PCDH9: variants seen among roughly 807,000 people sequenced by gnomAD.
PCDH9 encodes protocadherin 9.
In PCDH9, 24 loss-of-function variants were observed where a neutral mutation model predicts 70.6. The observed-to-expected ratio is 0.34, with a 90% CI of 0.25 to 0.48. The LOEUF (loss-of-function observed/expected upper bound fraction) is 0.48, where lower values mean the gene tolerates loss of function less well. PCDH9 is among the 20% of genes least tolerant of loss of function. PCDH9 has a pLI of 0.99. For missense variants in PCDH9, 1,281 were observed against 1,503.6 expected (o/e 0.85, Z 2.45); for synonymous variants, 562 against 558.5 (o/e 1.01, Z -0.09).
intron 4 of PCDH9, among the ~76,000 whole-genome samples, chr13:66,560,546 T>A (rs1470733568): frequency 6.6e-6 from 1 of 152,236 alleles, no homozygotes; most frequent in Non-Finnish European, 1.5e-5. Context: ...TGGAAGGCAC[T>A]TTTTATCTGT....
At chr13:67,011,277 T>A (rs929152090) in intron 2 of PCDH9, among the ~76,000 whole-genome samples, 2 of 151,954 alleles carry the variant, frequency 1.3e-5, no homozygotes, top group Non-Finnish European at 2.9e-5. Context: ...GTCTATATCC[T>A]GCATTTATAG....
chr13:66,652,285 C>A (rs768549752), intron 3 of PCDH9, among the ~76,000 whole-genome samples: 2 of 152,018 alleles, frequency 1.3e-5, no homozygotes, highest in Non-Finnish European at 2.9e-5. Context: ...AGTAAAGCTG[C>A]AGGATACAAA....
At chr13:66,906,368 C>A (rs758907879) in intron 2 of PCDH9, among the ~76,000 whole-genome samples, 20 of 152,160 alleles carry the variant, frequency 1.3e-4, no homozygotes, top group Non-Finnish European at 2.9e-4. Context: ...TCAGAACAGA[C>A]AGAAACTATC....
intron 4 of PCDH9, among the ~76,000 whole-genome samples, chr13:66,539,294 GT>G (rs1164014444): frequency 6.6e-6 from 1 of 151,994 alleles, no homozygotes; most frequent in African/African-American, 2.4e-5. Flanking sequence ...TGGTTTGGCT[GT>G]GTCCCCACCC....
At chr13:66,736,103 A>G (rs2079144783) in intron 3 of PCDH9, among the ~76,000 whole-genome samples, 1 of 152,180 alleles carries the variant, frequency 6.6e-6, no homozygotes, top group South Asian at 2.1e-4. Context: ...TTATCTATTA[A>G]TTAAATACAG....
At chr13:67,092,453 G>A (rs765537320) in intron 2 of PCDH9, among the ~76,000 whole-genome samples, 5 of 151,940 alleles carry the variant, frequency 3.3e-5, no homozygotes, top group African/African-American at 1.2e-4. Flanking sequence ...CAATAACCAC[G>A]TACCTGGATA....
intron 3 of PCDH9, among the ~76,000 whole-genome samples, chr13:66,772,135 C>G (rs1221437999): frequency 2.6e-5 from 4 of 152,158 alleles, no homozygotes; most frequent in Non-Finnish European, 1.5e-5. Flanking sequence ...AGAAATACAG[C>G]TTTATGTACA....
intron 3 of PCDH9, among the ~76,000 whole-genome samples, chr13:66,772,602 T>C (rs556867440): frequency 3.3e-5 from 5 of 152,208 alleles, no homozygotes; most frequent in African/African-American, 9.6e-5. Flanking sequence ...AACTCATACA[T>C]AAATAACCCA....
In PCDH9 at chr13:66,447,199, C is replaced by T. The variant is rs550927935; in HGVS notation, c.3341-142171G>A. Among the ~76,000 whole-genome samples the T allele has an allele frequency of 1.3e-4, 20 of 152,052 alleles. No homozygotes were observed. The East Asian group carries it at 3.3e-3, about 25-fold the overall frequency. On this transcript the variant is annotated intron_variant, in intron 4 of 4. Coordinates refer to ENST00000377865, the MANE Select transcript of PCDH9 (RefSeq NM_203487.3). ...CCCGATAAAAAATGTTGAAAAGCTT[C>T]TAATATATTTTTAAGTTGCAAAATA...
chr13:66,446,037 A>G (rs899131796), intron 4 of PCDH9, among the ~76,000 whole-genome samples: 3 of 151,900 alleles, frequency 2.0e-5, no homozygotes, highest in African/African-American at 7.2e-5. Context: ...AAAATAAAGC[A>G]TTTCTCCAAA....
intron 3 of PCDH9, among the ~76,000 whole-genome samples, chr13:66,792,031 C>T (rs1348259781): frequency 6.6e-6 from 1 of 152,104 alleles, no homozygotes; most frequent in Non-Finnish European, 1.5e-5. Flanking sequence ...GCTTACTTTG[C>T]TCCATCAAAG....
At chr13:66,427,234 C>G (rs1957686829) in intron 4 of PCDH9, among the ~76,000 whole-genome samples, 1 of 151,554 alleles carries the variant, frequency 6.6e-6, no homozygotes, top group Admixed American at 6.6e-5. Context: ...CGTCTGATTA[C>G]AAAGCTGAAT....
chr13:66,442,007 C>G (rs1447374084), intron 4 of PCDH9, among the ~76,000 whole-genome samples: 1 of 152,060 alleles, frequency 6.6e-6, no homozygotes, highest in Admixed American at 6.6e-5. Context: ...GGTTTTTAAT[C>G]TGAACTGAAT....
intron 2 of PCDH9, among the ~76,000 whole-genome samples, chr13:66,943,762 T>G (rs529656728): frequency 1.3e-5 from 2 of 152,162 alleles, no homozygotes; most frequent in African/African-American, 4.8e-5. Context: ...ATGAGAAAAC[T>G]TCAAGCAATT....
intron 3 of PCDH9, among the ~76,000 whole-genome samples, chr13:66,824,303 GTATATATATATATATATATATATA>G (rs60742942): frequency 0.031 from 4,012 of 128,324 alleles, 128 homozygotes; most frequent in African/African-American, 0.065. Flanking sequence ...TTGTTTGAAA[GTATATATATATATATATATATATA>G]TATATATATA....
intron 4 of PCDH9, among the ~76,000 whole-genome samples, chr13:66,569,031 T>G (rs957456894): frequency 5.1e-5 from 6 of 118,074 alleles, no homozygotes; most frequent in African/African-American, 2.0e-4. Flanking sequence ...AGATGGGGTC[T>G]CACTCTGTCA....
intron 3 of PCDH9, among the ~76,000 whole-genome samples, chr13:66,732,647 C>A (rs1232392177): frequency 6.6e-6 from 1 of 152,012 alleles, no homozygotes; most frequent in Non-Finnish European, 1.5e-5. Flanking sequence ...TGTGTAAGAG[C>A]TGCTTTTTTA....
chr13:67,108,429 G>A (rs1399796538), intron 2 of PCDH9, among the ~76,000 whole-genome samples: 1 of 152,154 alleles, frequency 6.6e-6, no homozygotes, highest in Non-Finnish European at 1.5e-5. Flanking sequence ...GTGTTAAATT[G>A]TGACAGTTAA....
chr13:66,312,334 G>T (rs1443466817), intron 4 of PCDH9, among the ~76,000 whole-genome samples: 1 of 152,174 alleles, frequency 6.6e-6, no homozygotes, highest in East Asian at 1.9e-4. Flanking sequence ...AGAGAGCAAA[G>T]AAATGATAAA....
Sources: gnomAD v4.1 joint callset for allele counts (sites outside exome capture counted in the v4.1 genomes callset) on GRCh38, gnomAD v4.1.1 for gene constraint, MANE v1.5 for transcripts, NCBI Gene and HGNC (gene_info 2026-07-23, HGNC 2026-07-21) for gene names.